The following CDC42BPA variants were observed in gnomAD, a reference collection of about 807,000 sequenced individuals.
The protein encoded by CDC42BPA is serine/threonine-protein kinase MRCK alpha.
CDC42BPA carries 80 observed loss-of-function variants against 223.5 expected under a neutral mutation model. The ratio of observed to expected loss-of-function variants is 0.36; its 90% CI spans 0.30 to 0.43. The LOEUF is 0.43. CDC42BPA is among the 20% of genes least tolerant of loss of function. The probability of loss-of-function intolerance (pLI) is 1.00; values close to 1 mark genes in which losing one functional copy is unlikely to be tolerated. For missense variants in CDC42BPA, 1,743 were observed against 2,099.9 expected (o/e 0.83, Z 3.32); for synonymous variants, 694 against 718.6 (o/e 0.97, Z 0.55).
intron 34 of CDC42BPA, among the ~76,000 whole-genome samples, chr1:227,010,308 A>C (rs1248910898): frequency 6.6e-6 from 1 of 152,206 alleles, no homozygotes; most frequent in Non-Finnish European, 1.5e-5. Flanking sequence ...GCATTTCAGT[A>C]ACTCAAAGAT....
chr1:227,087,809 A>T (rs1572723914), intron 16 of CDC42BPA, among the ~76,000 whole-genome samples: 1 of 152,298 alleles, frequency 6.6e-6, no homozygotes, highest in East Asian at 1.9e-4. Flanking sequence ...TAGAAGATTA[A>T]TCAATTTCTT....
At chr1:227,051,752 A>C in intron 22 of CDC42BPA, 129 bp downstream of exon 22, 1 of 433,104 alleles carries the variant, frequency 2.3e-6, no homozygotes. Context: ...AGTTAAATGT[A>C]ATGATCTCCA....
At chr1:227,176,408 G>A (rs1379544449) in intron 5 of CDC42BPA, among the ~76,000 whole-genome samples, 1 of 151,908 alleles carries the variant, frequency 6.6e-6, no homozygotes, top group Non-Finnish European at 1.5e-5. Context: ...TTCATTTCAC[G>A]TTATAAACAC....
intron 1 of CDC42BPA, among the ~76,000 whole-genome samples, chr1:227,300,425 T>A (rs1322320641): frequency 3.3e-5 from 5 of 152,110 alleles, no homozygotes; most frequent in Non-Finnish European, 7.4e-5. Flanking sequence ...TAAGTGCCCA[T>A]CAACCAATGT....
intron 3 of CDC42BPA, among the ~76,000 whole-genome samples, chr1:227,206,948 T>C (rs1290680609): frequency 6.6e-6 from 1 of 152,100 alleles, no homozygotes; most frequent in Non-Finnish European, 1.5e-5. Context: ...ATTATTATTA[T>C]ACTTTAAGTT....
intron 3 of CDC42BPA, 96 bp from the exon 4 acceptor site, chr1:227,199,748 A>G: frequency 1.6e-6 from 1 of 643,794 alleles, no homozygotes. Flanking sequence ...TCTGTTCTGG[A>G]AAAGGAATAC....
chr1:227,187,674 C>CA (rs1210044918), intron 5 of CDC42BPA, among the ~76,000 whole-genome samples: 1 of 15,500 alleles, frequency 6.5e-5, no homozygotes, highest in African/African-American at 3.3e-4. Context: ...TAAATGGCAC[C>CA]CCCCACCCCC....
chr1:227,286,850 C>T (rs1229507263), intron 1 of CDC42BPA, among the ~76,000 whole-genome samples: 3 of 152,100 alleles, frequency 2.0e-5, no homozygotes, highest in Non-Finnish European at 1.5e-5. Flanking sequence ...AAAGTAATTG[C>T]GGTTTTAGAT....
chr1:227,228,010 G>A (rs1428639825), intron 2 of CDC42BPA, among the ~76,000 whole-genome samples: 1 of 152,052 alleles, frequency 6.6e-6, no homozygotes, highest in African/African-American at 2.4e-5. Context: ...TTGGCTAACA[G>A]GAACAGAAAA....
At chr1:227,098,722 C>T (rs1684456537) in intron 15 of CDC42BPA, among the ~76,000 whole-genome samples, 1 of 151,620 alleles carries the variant, frequency 6.6e-6, no homozygotes, top group Admixed American at 6.6e-5. Context: ...TACTCTAGGC[C>T]AAAGCCACTG....
intron 21 of CDC42BPA, among the ~76,000 whole-genome samples, chr1:227,058,875 T>TAAA (rs59841633): frequency 6.8e-6 from 1 of 146,958 alleles, no homozygotes; most frequent in Non-Finnish European, 1.5e-5. Context: ...TGAACTACAT[T>TAAA]AAAAAAAAAA....
At chr1:227,040,550 C>G (rs55685166) in intron 23 of CDC42BPA, among the ~76,000 whole-genome samples, 23,506 of 151,930 alleles carry the variant, frequency 0.15, 2,205 homozygotes, top group African/African-American at 0.25. Flanking sequence ...AATAAATTAT[C>G]CAAATTATTG....
chr1:227,296,556 A>C (rs1200840676), intron 1 of CDC42BPA, among the ~76,000 whole-genome samples: 1 of 151,938 alleles, frequency 6.6e-6, no homozygotes, highest in Non-Finnish European at 1.5e-5. Flanking sequence ...AAATACAAAA[A>C]TTAGCTGGGC....
chr1:227,131,226 T>C (rs1040823701), intron 10 of CDC42BPA, among the ~76,000 whole-genome samples: 1 of 152,166 alleles, frequency 6.6e-6, no homozygotes. Flanking sequence ...TTACCCGACA[T>C]CTATTCATCT....
chr1:227,139,744 T>G lies in CDC42BPA; in HGVS notation c.1224-2A>C. The stretch of plus-strand genomic sequence containing the variant: ...AAACAGCTCCGATCAGAAAGTACAC[T>G]GAAGAAAAGAAAAAAAAATGTAGGT... On this transcript the variant is annotated splice_acceptor_variant, in intron 9 of 36. Transcript: ENST00000366766. LOFTEE classifies it high-confidence loss of function. The G allele has an allele frequency of 6.7e-7, 1 of 1,500,340 alleles. No individual in the cohort carries two copies. Among genetic ancestry groups the G allele is most frequent in the Non-Finnish European group, 8.9e-7 (1 of 1,129,540 alleles). The allele number at this position is 1,500,340 out of a possible 1,614,324, so 92.9% of individuals were successfully genotyped here.
intron 4 of CDC42BPA, among the ~76,000 whole-genome samples, chr1:227,196,338 C>CTTTATTTTTTTTTTTTCTTTTT (rs1670684957): frequency 1.1e-5 from 1 of 92,352 alleles, no homozygotes; most frequent in Non-Finnish European, 1.9e-5. Flanking sequence ...TTAAACAATA[C>CTTTATTTTTTTTTTTTCTTTTT]TTTTTTTTTT....
intron 16 of CDC42BPA, among the ~76,000 whole-genome samples, chr1:227,082,209 T>A (rs1182949600): frequency 6.6e-6 from 1 of 151,522 alleles, no homozygotes; most frequent in Non-Finnish European, 1.5e-5. Flanking sequence ...TTTATTTTTT[T>A]ATTTTTTAAA....
At chr1:227,082,347 C>T (rs548548752) in intron 16 of CDC42BPA, among the ~76,000 whole-genome samples, 58 of 152,050 alleles carry the variant, frequency 3.8e-4, no homozygotes, top group Non-Finnish European at 6.3e-4. Flanking sequence ...ATGCCTGGCC[C>T]GATACATCTT....
At chr1:227,040,972 C>G (rs1671246473) in intron 23 of CDC42BPA, among the ~76,000 whole-genome samples, 1 of 152,130 alleles carries the variant, frequency 6.6e-6, no homozygotes, top group Admixed American at 6.5e-5. Context: ...TAATAAATAA[C>G]CTTTCATTCT....
Sources: gnomAD v4.1 joint callset for allele counts (sites outside exome capture counted in the v4.1 genomes callset) on GRCh38, gnomAD v4.1.1 for gene constraint, MANE v1.5 for transcripts, NCBI Gene and HGNC (gene_info 2026-07-23, HGNC 2026-07-21) for gene names.